Variants in C2 observed in about 807,000 individuals in gnomAD.
C2 encodes the protein C3/C5 convertase.
C2 carries 64 observed loss-of-function variants against 85.2 expected under a neutral mutation model. That is an observed-to-expected ratio of 0.75 (90% confidence interval 0.61 to 0.92). The LOEUF (loss-of-function observed/expected upper bound fraction) is 0.92, where lower values mean the gene tolerates loss of function less well. Ranked by LOEUF, C2 falls within the 40% of genes least tolerant of loss-of-function variation. The probability of loss-of-function intolerance (pLI) is 0.00; values close to 1 mark genes in which losing one functional copy is unlikely to be tolerated. For missense variants in C2, 820 were observed against 971.6 expected (o/e 0.84, Z 2.07); for synonymous variants, 311 against 370.8 (o/e 0.84, Z 1.85).
chr6:31,923,629 G>A (rs1361655006), upstream of C2, among the ~76,000 whole-genome samples: 2 of 150,360 alleles, frequency 1.3e-5, no homozygotes, highest in Admixed American at 6.7e-5. Context: ...GACTACAGGC[G>A]CCGCCACCAC....
upstream of C2, chr6:31,897,804 C>G (rs1001552850): frequency 6.0e-6 from 6 of 993,070 alleles, no homozygotes; most frequent in Non-Finnish European, 7.4e-6. Flanking sequence ...CTGAGAGCGG[C>G]CTCGGAGATG....
intron 6 of C2, chr6:31,934,595 A>G (rs1770256051): frequency 1.4e-6 from 2 of 1,428,902 alleles, no homozygotes; most frequent in Admixed American, 5.7e-5. Context: ...AGGTAGTGAG[A>G]TAACCCACAG....
chr6:31,915,275 A>G (rs1562563429), upstream of C2, among the ~76,000 whole-genome samples: 1 of 152,112 alleles, frequency 6.6e-6, no homozygotes, highest in African/African-American at 2.4e-5. Flanking sequence ...GTCTAGTGTC[A>G]TTGTGGCCTT....
intron 3 of C2, among the ~76,000 whole-genome samples, chr6:31,930,084 C>CT (rs527924764): frequency 1.2e-3 from 178 of 143,588 alleles, no homozygotes; most frequent in Admixed American, 1.5e-3. Context: ...GCCATGTACA[C>CT]TTTTTTTTTT....
At chr6:31,932,297 AC>A (rs1171648335) in intron 3 of C2, 19 of 154,712 alleles carry the variant, frequency 1.2e-4, no homozygotes, top group Non-Finnish European at 2.1e-4. Context: ...CGGGGGGCTG[AC>A]CCCCCCACCT....
chr6:31,925,425 T>C (rs2151735889), upstream of C2, among the ~76,000 whole-genome samples: 1 of 152,196 alleles, frequency 6.6e-6, no homozygotes, highest in Non-Finnish European at 1.5e-5. Context: ...CCTGAGCAGC[T>C]GGGATTACAG....
chr6:31,899,263 C>CCA (rs1766992404), upstream of C2, among the ~76,000 whole-genome samples: 2 of 148,894 alleles, frequency 1.3e-5, no homozygotes, highest in Non-Finnish European at 1.5e-5. Flanking sequence ...CCCCCACCCC[C>CCA]ATGACTATCC....
upstream of C2, chr6:31,897,837 A>G (rs1766797497): frequency 9.6e-7 from 1 of 1,043,224 alleles, no homozygotes; most frequent in Non-Finnish European, 1.2e-6. Flanking sequence ...CTAAGCTGGG[A>G]GCTGCAAGGG....
At chr6:31,939,460 T>C (rs1770707636) in intron 9 of C2, 140 bp downstream of exon 9, 1 of 689,756 alleles carries the variant, frequency 1.4e-6, no homozygotes, top group South Asian at 1.6e-5. Context: ...AGGCAACTCA[T>C]GTTGAAGAGC....
Position 31,904,953 on chromosome 6 carries a change from A to G in C2, c.73+3814A>G, listed in dbSNP as rs1250429587. 4.6e-5 allele frequency among the ~76,000 whole-genome samples: 7 copies of G among 151,982 alleles called. No individual in the cohort carries two copies. Among genetic ancestry groups the G allele is most frequent in the Non-Finnish European group, 1.0e-4 (7 of 68,026 alleles). ...GAGGTGCACAAACTCTTTTCCATGTAGTCTGGTGGAGAGATGATGTGGAGC... is the reference window on the plus strand; with the variant it reads ...GAGGTGCACAAACTCTTTTCCATGTGGTCTGGTGGAGAGATGATGTGGAGC... On this transcript the variant is annotated intron_variant, in intron 1 of 3. Coordinates refer to the C2 transcript ENST00000452202. The surrounding 1 kb of genome is among the most constrained non-coding windows in gnomAD (Gnocchi z 4.4).
chr6:31,910,487 C>T (rs1355991677), intron 1 of C2, among the ~76,000 whole-genome samples: 3 of 151,942 alleles, frequency 2.0e-5, no homozygotes, highest in East Asian at 1.9e-4. Context: ...CGCCACCACA[C>T]CCAGCTAATT....
Position 31,944,758 on chromosome 6 carries a change from A to G in C2, c.1934A>G (p.Glu645Gly). ...WTSCAEVVSQ[E>G]KTMFPNLTDV... ...AGCTGTGCCGAGGTTGTCTCCCAAGAAAAAACCATGTTCCCCAACTTGACA... is the reference window on the plus strand; with the variant it reads ...AGCTGTGCCGAGGTTGTCTCCCAAGGAAAAACCATGTTCCCCAACTTGACA... Residue 645 changes from glutamate to glycine, a missense_variant, in exon 16 of 18, where the codon GAA becomes GGA. Physicochemically the swap from Glu to Gly is moderately conservative, Grantham distance 98 (BLOSUM62 -2). Coordinates refer to ENST00000299367, the MANE Select transcript of C2 (RefSeq NM_000063.6). This position sits in a 1 kb window ranked among gnomAD's most constrained non-coding sequence, Gnocchi z 5.1. 1 of 1,613,088 alleles carries G rather than the reference A, an allele frequency of 6.2e-7. No homozygotes were observed. Among genetic ancestry groups the G allele is most frequent in the Non-Finnish European group, 8.5e-7 (1 of 1,180,038 alleles).
At chr6:31,926,874 C>T (rs772306936), upstream of C2, among the ~76,000 whole-genome samples, 18 of 152,108 alleles carry the variant, frequency 1.2e-4, no homozygotes, top group Non-Finnish European at 2.2e-4. Flanking sequence ...ATTGAAAAGA[C>T]TTCTGTGGGT....
intron 1 of C2, among the ~76,000 whole-genome samples, chr6:31,903,591 T>C (rs1475287482): frequency 6.6e-6 from 1 of 151,994 alleles, no homozygotes; most frequent in Non-Finnish European, 1.5e-5. Flanking sequence ...GATTGCGCCA[T>C]TGCACTCCAG....
intron 6 of C2, chr6:31,934,868 A>G (rs623529): frequency 0.071 from 17,333 of 244,524 alleles, 696 homozygotes; most frequent in African/African-American, 0.11. Context: ...AATTAGCCAC[A>G]TGTGATGGCG....
chr6:31,937,111 A>G (rs532729243), intron 7 of C2: 86 of 570,348 alleles, frequency 1.5e-4, no homozygotes, highest in Non-Finnish European at 2.5e-4. Flanking sequence ...TGGGAGACTG[A>G]GGCATGAGAA....
chr6:31,913,890 G>C (rs1768299441), intron 1 of C2, among the ~76,000 whole-genome samples: 1 of 151,634 alleles, frequency 6.6e-6, no homozygotes, highest in Non-Finnish European at 1.5e-5. Flanking sequence ...TGCCCGCCTT[G>C]GCCTCCAGAA....
In C2 at chr6:31,943,479, C is replaced by A; in HGVS notation, c.1519C>A (p.His507Asn). The A allele has an allele frequency of 6.2e-7, 1 of 1,613,088 alleles. No homozygotes were observed. Among genetic ancestry groups the A allele is most frequent in the Non-Finnish European group, 8.5e-7 (1 of 1,180,038 alleles). Residue 507 changes from histidine to asparagine, a missense_variant, in exon 12 of 18, where the codon CAT becomes AAT. Coordinates refer to ENST00000299367, the MANE Select transcript of C2 (RefSeq NM_000063.6). This position sits in a 1 kb window ranked among gnomAD's most constrained non-coding sequence, Gnocchi z 6.4. The stretch of plus-strand genomic sequence containing the variant: ...CGACCAATGGGTCCTGACAGCAGCT[C>A]ATTGCTTCCGCGATGGCAACGACCA... ...ISDQWVLTAA[H>N]CFRDGNDHSL...
intron 3 of C2, among the ~76,000 whole-genome samples, chr6:31,931,984 C>T (rs1353968240): frequency 7.3e-6 from 1 of 136,760 alleles, no homozygotes; most frequent in Non-Finnish European, 1.6e-5. Context: ...GCTGGCCGGG[C>T]GGGGGGCTGA....
Sources: allele counts gnomAD v4.1 joint callset (sites outside exome capture counted in the v4.1 genomes callset), GRCh38; gene constraint gnomAD v4.1.1; non-coding constraint Gnocchi (gnomAD v3.1); transcripts MANE v1.5; gene names NCBI Gene and HGNC (gene_info 2026-07-23, HGNC 2026-07-21).